The following SLC9A9 variants were observed in gnomAD, a reference collection of about 807,000 sequenced individuals.
The protein encoded by SLC9A9 is sodium/hydrogen exchanger 9.
SLC9A9 carries 62 observed loss-of-function variants against 77.8 expected under a neutral mutation model. That is an observed-to-expected ratio of 0.80 (90% CI 0.65 to 0.98). The LOEUF (loss-of-function observed/expected upper bound fraction) is 0.98. Among genes scored for constraint, SLC9A9 ranks in the 50% least tolerant of loss-of-function variants. The probability of loss-of-function intolerance (pLI) is 0.00; values close to 1 mark genes in which losing one functional copy is unlikely to be tolerated. For synonymous variants in SLC9A9, 320 were observed against 283.5 expected, an observed-to-expected ratio of 1.13 and a Z score of -1.29; for missense variants, 775 against 774.9, an observed-to-expected ratio of 1.00 and a Z score of 0.00.
chr3:143,367,979 T>G (rs935020318), intron 13 of SLC9A9, among the ~76,000 whole-genome samples: 1 of 152,180 alleles, frequency 6.6e-6, no homozygotes, highest in African/African-American at 2.4e-5. Flanking sequence ...GCCTCATGTT[T>G]CACAGCTATA....
chr3:143,748,030 A>G (rs1302561192), intron 4 of SLC9A9, among the ~76,000 whole-genome samples: 1 of 152,194 alleles, frequency 6.6e-6, no homozygotes, highest in Non-Finnish European at 1.5e-5. Context: ...ATTGAGCCAG[A>G]GTGGATTAGC....
chr3:143,364,957 G>T (rs188319456), intron 13 of SLC9A9, among the ~76,000 whole-genome samples: 48 of 152,204 alleles, frequency 3.2e-4, no homozygotes, highest in South Asian at 1.5e-3. Flanking sequence ...GTGTTAAATA[G>T]GTTTCTTAAA....
At chr3:143,701,111 CT>C (rs1261406891) in intron 4 of SLC9A9, among the ~76,000 whole-genome samples, 2 of 152,228 alleles carry the variant, frequency 1.3e-5, no homozygotes, top group East Asian at 1.9e-4. Context: ...TGGGGTGCCC[CT>C]GATGCAGATA....
At chr3:143,460,904 G>A (rs550277582) in intron 12 of SLC9A9, among the ~76,000 whole-genome samples, 39 of 152,258 alleles carry the variant, frequency 2.6e-4, no homozygotes, top group African/African-American at 8.7e-4. Context: ...GAAATGTATT[G>A]TAGAAGAACA....
At chr3:143,278,749 T>C (rs1938126646) in intron 14 of SLC9A9, among the ~76,000 whole-genome samples, 1 of 152,230 alleles carries the variant, frequency 6.6e-6, no homozygotes, top group African/African-American at 2.4e-5. Flanking sequence ...AGGTTGCATT[T>C]GAGGTACTGG....
intron 12 of SLC9A9, among the ~76,000 whole-genome samples, chr3:143,393,538 G>A (rs960537615): frequency 6.6e-6 from 1 of 152,104 alleles, no homozygotes; most frequent in Middle Eastern, 3.2e-3. Context: ...ACAATTAAAA[G>A]AACTAGAGAA....
At chr3:143,634,788 G>C (rs1459770420) in intron 6 of SLC9A9, among the ~76,000 whole-genome samples, 9 of 151,856 alleles carry the variant, frequency 5.9e-5, no homozygotes, top group Non-Finnish European at 1.5e-5. Context: ...CTCTTCTTTG[G>C]CTTAAATTCC....
intron 12 of SLC9A9, among the ~76,000 whole-genome samples, chr3:143,426,226 T>C (rs1365487639): frequency 6.6e-6 from 1 of 152,142 alleles, no homozygotes; most frequent in South Asian, 2.1e-4. Flanking sequence ...AATTAACAAT[T>C]AAAAAACCCA....
At chr3:143,704,408 G>A (rs961244448) in intron 4 of SLC9A9, among the ~76,000 whole-genome samples, 1 of 152,102 alleles carries the variant, frequency 6.6e-6, no homozygotes, top group Non-Finnish European at 1.5e-5. Flanking sequence ...GGGAAGCAAG[G>A]ATGTCTCAAC....
intron 4 of SLC9A9, among the ~76,000 whole-genome samples, chr3:143,793,830 G>T (rs1229699467): frequency 1.3e-5 from 2 of 152,180 alleles, no homozygotes; most frequent in African/African-American, 2.4e-5. Context: ...CATACTCACA[G>T]AACAGAAAAG....
At chr3:143,766,957 A>T (rs201930181) in intron 4 of SLC9A9, among the ~76,000 whole-genome samples, 1 of 152,186 alleles carries the variant, frequency 6.6e-6, no homozygotes, top group East Asian at 1.9e-4. Context: ...TTGCAAATTT[A>T]TTCTTAAAAA....
At chr3:143,795,692 G>T (rs1169806724) in intron 3 of SLC9A9, among the ~76,000 whole-genome samples, 1 of 152,166 alleles carries the variant, frequency 6.6e-6, no homozygotes, top group Non-Finnish European at 1.5e-5. Context: ...TCGTACCATT[G>T]TACTGCAGCC....
In SLC9A9 at chr3:143,501,971, C is replaced by T. The variant is rs542092094; in HGVS notation, c.1090-6523G>A. On this transcript the variant is annotated intron_variant, in intron 9 of 15. Transcript: ENST00000316549. Reference sequence around the variant, plus strand: ...AGTACGCAATCACTGAGGGAATAAACTTATTGGTCAATTTTGGATAAAATT... The same window carrying T: ...AGTACGCAATCACTGAGGGAATAAATTTATTGGTCAATTTTGGATAAAATT... Among the ~76,000 whole-genome samples the T allele has an allele frequency of 9.9e-5, 15 of 150,852 alleles. 1 individual carries two copies. Among genetic ancestry groups the T allele is most frequent in the Admixed American group, 6.6e-4 (10 of 15,232 alleles).
At chr3:143,465,975 G>A (rs2035273993) in intron 12 of SLC9A9, among the ~76,000 whole-genome samples, 1 of 152,184 alleles carries the variant, frequency 6.6e-6, no homozygotes, top group Non-Finnish European at 1.5e-5. Flanking sequence ...TTGAGCATAA[G>A]GTTTCTTATA....
intron 9 of SLC9A9, among the ~76,000 whole-genome samples, chr3:143,516,518 A>G (rs1442610172): frequency 1.3e-5 from 2 of 152,176 alleles, no homozygotes; most frequent in East Asian, 3.8e-4. Flanking sequence ...TAAATGCTAC[A>G]TTTAATTAGC....
intron 12 of SLC9A9, among the ~76,000 whole-genome samples, chr3:143,458,165 C>T (rs1214847236): frequency 6.6e-6 from 1 of 152,052 alleles, no homozygotes; most frequent in Admixed American, 6.5e-5. Flanking sequence ...GGAAAATAAA[C>T]TCTTTTATCA....
chr3:143,582,496 T>C (rs915532411), intron 6 of SLC9A9, among the ~76,000 whole-genome samples: 4 of 152,192 alleles, frequency 2.6e-5, no homozygotes, highest in Admixed American at 6.5e-5. Flanking sequence ...GGTGGTCAGT[T>C]ACCACTGTGG....
intron 12 of SLC9A9, among the ~76,000 whole-genome samples, chr3:143,418,222 G>A (rs2034232694): frequency 6.6e-6 from 1 of 151,682 alleles, no homozygotes; most frequent in Non-Finnish European, 1.5e-5. Flanking sequence ...TGTGGGAGGA[G>A]GAAATAAGGA....
chr3:143,530,273 G>A (rs56704736), intron 9 of SLC9A9, among the ~76,000 whole-genome samples: 5 of 152,208 alleles, frequency 3.3e-5, no homozygotes, highest in South Asian at 2.1e-4. Context: ...CACATATTGT[G>A]GGGGGGACCC....
Sources: allele counts gnomAD v4.1 joint callset (sites outside exome capture counted in the v4.1 genomes callset), GRCh38; gene constraint gnomAD v4.1.1; transcripts MANE v1.5; gene names NCBI Gene and HGNC (gene_info 2026-07-23, HGNC 2026-07-21).